PHOX2A: variants seen among roughly 807,000 people sequenced by gnomAD.
PHOX2A encodes the protein paired like homeobox 2A, also known as paired mesoderm homeobox protein 2A.
In PHOX2A, 10 loss-of-function variants were observed where a neutral mutation model predicts 16.4. That is an observed-to-expected ratio of 0.61 (90% CI 0.38 to 1.04). The LOEUF (loss-of-function observed/expected upper bound fraction) is 1.04, where lower values mean the gene tolerates loss of function less well. PHOX2A is among the 50% of genes least tolerant of loss of function. The pLI, the probability that PHOX2A is intolerant of heterozygous loss-of-function variation, is 0.01. For synonymous variants in PHOX2A, 219 were observed against 203.8 expected (o/e 1.07, Z -0.64); for missense variants, 361 against 419.4 (o/e 0.86, Z 1.22).
chr11:72,243,858 G>C lies in PHOX2A; in HGVS notation c.147C>G (p.Cys49Trp). ...RPAFPAAGPPCPALGSSNCAL... is the reference protein window; with the variant it reads ...RPAFPAAGPPWPALGSSNCAL... ...CGCAGTTGGAGGAGCCGAGCGCGGGGCAGGGCGGCCCTGCCGCGGGGAAAG... is the reference window on the plus strand; with the variant it reads ...CGCAGTTGGAGGAGCCGAGCGCGGGCCAGGGCGGCCCTGCCGCGGGGAAAG... Residue 49 changes from cysteine (C) to tryptophan (W), a missense_variant, in exon 1 of 3, where the codon TGC becomes TGG. Transcript: ENST00000298231. The C allele has an allele frequency of 7.9e-7, 1 of 1,269,622 alleles. No individual in the cohort carries two copies. Among genetic ancestry groups the C allele is most frequent in the Non-Finnish European group, 1.0e-6 (1 of 1,003,690 alleles). The allele number at this position is 1,269,622 out of a possible 1,614,324, so 78.6% of individuals were successfully genotyped here.
At chr11:72,242,997 G>A (rs541246104) in intron 1 of PHOX2A, among the ~76,000 whole-genome samples, 2 of 152,068 alleles carry the variant, frequency 1.3e-5, no homozygotes, top group African/African-American at 4.8e-5. Flanking sequence ...TTGGGTCCCC[G>A]GCAGTCTTCC....
intron 1 of PHOX2A, 33 bp from the exon 2 acceptor site, chr11:72,241,322 G>GGGGGGGGGGC: frequency 1.6e-6 from 1 of 626,612 alleles, no homozygotes; most frequent in Non-Finnish European, 2.7e-6. Flanking sequence ...CGGGGGGGGG[G>GGGGGGGGGGC]CAAAAAGGAT....
In PHOX2A at chr11:72,239,975, A is replaced by AGCGGGCTGGGGCTCAGGC. The variant is rs1329613545; in HGVS notation, c.611_628dup (p.Arg204_Pro209dup). The AGCGGGCTGGGGCTCAGGC allele has an allele frequency of 6.1e-6, 8 of 1,317,366 alleles. No individual in the cohort carries two copies. Among genetic ancestry groups the AGCGGGCTGGGGCTCAGGC allele is most frequent in the Non-Finnish European group, 7.7e-6 (8 of 1,035,506 alleles). 81.6% of individuals were successfully genotyped at this position (1,317,366 alleles called of 1,614,324 possible). A position where few individuals can be genotyped will look rare whatever the true frequency, so the allele number is the denominator to read the frequency against. On this transcript the variant is annotated inframe_insertion, in exon 3 of 3. Transcript: ENST00000298231. The stretch of plus-strand genomic sequence containing the variant: ...CGGCCCGGAGCCCAGTGCGACGGGC[A>AGCGGGCTGGGGCTCAGGC]GCGGGCTGGGGCTCAGGCGCGGGCT...
At chr11:72,242,207 A>G (rs980249454) in intron 1 of PHOX2A, among the ~76,000 whole-genome samples, 1 of 151,988 alleles carries the variant, frequency 6.6e-6, no homozygotes, top group South Asian at 2.1e-4. Context: ...TGTTTCTGAC[A>G]GTACTTCCCT....
chr11:72,241,322 G>GGGGCGGGGGGGCGGGGGGGGGCC, intron 1 of PHOX2A, 33 bp from the exon 2 acceptor site: 1 of 626,612 alleles, frequency 1.6e-6, no homozygotes, highest in Non-Finnish European at 2.7e-6. Flanking sequence ...CGGGGGGGGG[G>GGGGCGGGGGGGCGGGGGGGGGCC]CAAAAAGGAT....
intron 2 of PHOX2A, among the ~76,000 whole-genome samples, chr11:72,240,699 A>C (rs1590727454): frequency 6.6e-6 from 1 of 152,292 alleles, no homozygotes; most frequent in Non-Finnish European, 1.5e-5. Context: ...GCCTGCCACA[A>C]ACTCAGCCTC....
chr11:72,244,037 G>T lies in PHOX2A; in HGVS notation c.-33C>A. The T allele has an allele frequency of 9.0e-7, 1 of 1,107,066 alleles. No homozygotes were observed. Among genetic ancestry groups the T allele is most frequent in the Non-Finnish European group, 1.2e-6 (1 of 863,182 alleles). 68.6% of individuals were successfully genotyped at this position (1,107,066 alleles called of 1,614,324 possible). A position where few individuals can be genotyped will look rare whatever the true frequency, so the allele number is the denominator to read the frequency against. The stretch of plus-strand genomic sequence containing the variant: ...GGGGGCGGGGGCGGGGGCCGGGCCA[G>T]GCCGGGTCGGGGTCGGGGTCCGGGT... On this transcript the variant is annotated 5_prime_UTR_variant, in exon 1 of 3. In the 5' UTR this introduces an upstream ATG that the reference lacks. Coordinates refer to ENST00000298231, the MANE Select transcript of PHOX2A (RefSeq NM_005169.4).
At position 72,243,900 on chromosome 11, in the gene PHOX2A, G is replaced by A; in HGVS notation, c.105C>T (p.Tyr35=). The change falls in exon 1 of 3, where the codon TAC becomes TAT. Residue 35 remains tyrosine (Y), a synonymous_variant. Transcript: ENST00000298231. ...CGGGGAAAGCGGGCCGCAGGGGGCT[G>A]TATTGGAAGCCGCCGGGCTGGCTGC... ...GACSQPGGFQ[Y]SPLRPAFPAA... is the part of the protein sequence containing the mutation. 7.7e-7 allele frequency: 1 copy of A among 1,295,192 alleles called. No individual in the cohort carries two copies. Among genetic ancestry groups the A allele is most frequent in the South Asian group, 2.8e-5 (1 of 35,312 alleles). The allele number at this position is 1,295,192 out of a possible 1,614,324, so 80.2% of individuals were successfully genotyped here.
chr11:72,241,152 T>G lies in PHOX2A; in HGVS notation c.355A>C (p.Thr119Pro). The change falls in exon 2 of 3, where the codon ACG becomes CCG. Residue 119 changes from threonine to proline, a missense_variant. Thr to Pro is a conservative substitution (Grantham distance 38). This residue lies in a region of PHOX2A where 235 missense variants were observed against 263.8 expected (regional missense o/e 0.89). Coordinates refer to ENST00000298231, the MANE Select transcript of PHOX2A (RefSeq NM_005169.4). Reference protein sequence around the residue: ...FAETHYPDIYTREELALKIDL... With the variant: ...FAETHYPDIYPREELALKIDL... ...ATCTTGAGCGCCAGCTCCTCACGCG[T>G]GTAAATGTCGGGGTAGTGGGTCTCA... The G allele has an allele frequency of 6.2e-7, 1 of 1,613,950 alleles. No homozygotes were observed. Among genetic ancestry groups the G allele is most frequent in the Non-Finnish European group, 8.5e-7 (1 of 1,180,028 alleles).
rs922365661 is a variant in PHOX2A at position 72,239,821 on chromosome 11, G to A, written c.783C>T (p.Pro261=). The A allele has an allele frequency of 6.6e-6, 9 of 1,367,284 alleles. No homozygotes were observed. The African/African-American group carries it at 7.5e-5, about 11-fold the overall frequency. The allele number at this position is 1,367,284 out of a possible 1,614,324, so 84.7% of individuals were successfully genotyped here. A position where few individuals can be genotyped will look rare whatever the true frequency, so the allele number is the denominator to read the frequency against. ...AGGACAGAACCCCGGAGAAGGGCCCGGGGCCGGACTCCGCCGGCTGCCAAG... is the reference window on the plus strand; with the variant it reads ...AGGACAGAACCCCGGAGAAGGGCCCAGGGCCGGACTCCGCCGGCTGCCAAG... ...LKAWQPAESG[P]GPFSGVLSSF... Residue 261 remains proline, a synonymous_variant, in exon 3 of 3, where the codon CCC becomes CCT. Transcript: ENST00000298231.
intron 1 of PHOX2A, 93 bp from the exon 2 acceptor site, chr11:72,241,382 TCA>T: frequency 1.3e-6 from 1 of 756,532 alleles, no homozygotes; most frequent in Non-Finnish European, 2.1e-6. Context: ...TCCGGGGGAA[TCA>T]CACGCCTCCC....
intron 1 of PHOX2A, 89 bp downstream of exon 1, chr11:72,243,699 G>A (rs1331205508): frequency 1.7e-5 from 12 of 724,726 alleles, no homozygotes; most frequent in Non-Finnish European, 2.1e-5. Flanking sequence ...GAATGGGGGC[G>A]GCTGAGGGGG....
At position 72,241,321 on chromosome 11, in the gene PHOX2A, G is replaced by GT. The variant is rs757041387; in HGVS notation, c.218-33_218-32insA. 4.6e-5 allele frequency: 44 copies of GT among 951,342 alleles called. No individual in the cohort carries two copies. The East Asian group carries it at 1.2e-3, about 25-fold the overall frequency. The allele number at this position is 951,342 out of a possible 1,614,324, so 58.9% of individuals were successfully genotyped here. The stretch of plus-strand genomic sequence containing the variant: ...GTGTGTGCAGGGGGGCCGGGGGGGG[G>GT]GCAAAAAGGATGGGGGAGTGAGAAG... On this transcript the variant is annotated intron_variant, in intron 1 of 2. Coordinates refer to ENST00000298231, the MANE Select transcript of PHOX2A (RefSeq NM_005169.4).
intron 2 of PHOX2A, among the ~76,000 whole-genome samples, chr11:72,240,786 C>A (rs998877164): frequency 6.6e-6 from 1 of 152,208 alleles, no homozygotes; most frequent in Non-Finnish European, 1.5e-5. Context: ...CCCCTCTCCT[C>A]CTCAGCTCGG....
rs1555080455 is a variant in PHOX2A at position 72,244,010 on chromosome 11, CG to C, written c.-7del. 9.8e-6 allele frequency: 5 copies of C among 508,832 alleles called. No individual in the cohort carries two copies. Among genetic ancestry groups the C allele is most frequent in the South Asian group, 8.1e-5 (1 of 12,398 alleles). 31.5% of individuals were successfully genotyped at this position (508,832 alleles called of 1,614,324 possible). A position where few individuals can be genotyped will look rare whatever the true frequency, so the allele number is the denominator to read the frequency against. On this transcript the variant is annotated 5_prime_UTR_variant, in exon 1 of 3. Transcript: ENST00000298231. ...TTGAGGTAGGAGTAGTCCATCGGCCCGGGGGGCGGGGGCGGGGGCCGGGCCA... is the reference window on the plus strand; with the variant it reads ...TTGAGGTAGGAGTAGTCCATCGGCCCGGGGGCGGGGGCGGGGGCCGGGCCA...
At position 72,239,709 on chromosome 11, in the gene PHOX2A, C is replaced by G; in HGVS notation, c.*40G>C. The G allele has an allele frequency of 7.7e-7, 1 of 1,293,288 alleles. No homozygotes were observed. Among genetic ancestry groups the G allele is most frequent in the Non-Finnish European group, 9.9e-7 (1 of 1,010,856 alleles). 80.1% of individuals were successfully genotyped at this position (1,293,288 alleles called of 1,614,324 possible). A position where few individuals can be genotyped will look rare whatever the true frequency, so the allele number is the denominator to read the frequency against. The stretch of plus-strand genomic sequence containing the variant: ...CTGTCAGGTCCTGGAGGGGCAGGGA[C>G]GTCTCTGGGGGCAGGCTCGGAGCCT... On this transcript the variant is annotated 3_prime_UTR_variant, in exon 3 of 3. Coordinates refer to ENST00000298231, the MANE Select transcript of PHOX2A (RefSeq NM_005169.4).
rs778931923 is a variant in PHOX2A at position 72,239,935 on chromosome 11, CCCCGGCCCAGGT to C, written c.657_668del (p.Gly221_Pro224del). 50 of 1,301,546 alleles carry C rather than the reference CCCCGGCCCAGGT, an allele frequency of 3.8e-5. No individual in the cohort carries two copies. Among genetic ancestry groups the C allele is most frequent in the Admixed American group, 8.3e-5 (2 of 24,056 alleles). 80.6% of individuals were successfully genotyped at this position (1,301,546 alleles called of 1,614,324 possible). ...ACAGTGCGCCCTTGAGCGGCTGTGG[CCCCGGCCCAGGT>C]CCCGGCCCGGAGCCCAGTGCGACGG... is the stretch of plus-strand genomic sequence containing the variant. On this transcript the variant is annotated inframe_deletion, in exon 3 of 3. Coordinates refer to ENST00000298231, the MANE Select transcript of PHOX2A (RefSeq NM_005169.4).
Position 72,239,946 on chromosome 11 carries a change from G to A in PHOX2A, c.658C>T (p.Pro220Ser). The change falls in exon 3 of 3, where the codon CCT becomes TCT. Residue 220 changes from proline to serine, a missense_variant. Physicochemically the swap from Pro to Ser is moderately conservative, Grantham distance 74. Around this residue, in one of 3 missense-constraint regions of PHOX2A, gnomAD observed 55 missense variants for 101.6 expected, o/e 0.54. Coordinates refer to ENST00000298231, the MANE Select transcript of PHOX2A (RefSeq NM_005169.4). ...LPVALGSGPG[P>S]GPGPQPLKGA... Reference sequence around the variant, plus strand: ...TTGAGCGGCTGTGGCCCCGGCCCAGGTCCCGGCCCGGAGCCCAGTGCGACG... The same window carrying A: ...TTGAGCGGCTGTGGCCCCGGCCCAGATCCCGGCCCGGAGCCCAGTGCGACG... The A allele has an allele frequency of 7.7e-7, 1 of 1,299,976 alleles. No individual in the cohort carries two copies. 80.5% of individuals were successfully genotyped at this position (1,299,976 alleles called of 1,614,324 possible). A position where few individuals can be genotyped will look rare whatever the true frequency, so the allele number is the denominator to read the frequency against.
intron 1 of PHOX2A, among the ~76,000 whole-genome samples, chr11:72,242,920 G>C (rs1314244356): frequency 2.0e-5 from 3 of 152,042 alleles, no homozygotes; most frequent in Admixed American, 2.0e-4. Context: ...ACCCGCCTTG[G>C]CCTCCCAAAG....
Sources: gnomAD v4.1 joint callset for allele counts (sites outside exome capture counted in the v4.1 genomes callset) on GRCh38, gnomAD v4.1.1 for gene constraint, gnomAD v4.1.1 regional missense constraint, MANE v1.5 for transcripts, NCBI Gene and HGNC (gene_info 2026-07-23, HGNC 2026-07-21) for gene names.